Variants in PPFIA4 observed in about 807,000 individuals in gnomAD.
PPFIA4 encodes PPFI scaffold protein A4, also known as liprin-alpha-4.
In PPFIA4, 98 loss-of-function variants were observed where a neutral mutation model predicts 145.7. The ratio of observed to expected loss-of-function variants is 0.67; its 90% CI spans 0.57 to 0.80. The LOEUF is 0.80. PPFIA4 is among the 30% of genes least tolerant of loss of function. The pLI is 0.00. For synonymous variants in PPFIA4, 628 were observed against 649.6 expected, an observed-to-expected ratio of 0.97 and a Z score of 0.51; for missense variants, 1,457 against 1,632.7, an observed-to-expected ratio of 0.89 and a Z score of 1.85.
rs1661319355 is a variant in PPFIA4 at position 203,061,003 on chromosome 1, A to G, written c.2818A>G (p.Met940Val). The change falls in exon 23 of 30, where the codon ATG becomes GTG. Residue 940 changes from methionine (M) to valine (V), a missense_variant. Physicochemically the swap from Met to Val is conservative, Grantham distance 21. Transcript: ENST00000295706. ...GAATGTCTGGGTCACCCATGAAGAGATGGAAACTCTGGAAACATCTACTAA... is the reference window on the plus strand; with the variant it reads ...GAATGTCTGGGTCACCCATGAAGAGGTGGAAACTCTGGAAACATCTACTAA... ...SGNVWVTHEE[M>V]ETLETSTKTD... 6.2e-7 allele frequency: 1 copy of G among 1,613,838 alleles called. No individual in the cohort carries two copies. Among genetic ancestry groups the G allele is most frequent in the Non-Finnish European group, 8.5e-7 (1 of 1,179,874 alleles).
rs770185725 is a variant in PPFIA4 at position 203,045,443 on chromosome 1, C to T, written c.742C>T (p.Arg248Ter). ...CTTTGAGTTGAGCCAGGCCCGGGAG[C>T]GACTGGTCACCCTAACAACAACCGT... is the stretch of plus-strand genomic sequence containing the variant. Reference protein sequence around the residue: ...QNFELSQARERLVTLTTTVTE... With the variant: ...QNFELSQARE Residue 248 changes from arginine to a stop codon, truncating the protein, a stop_gained, in exon 7 of 30, where the codon CGA (arginine) becomes TGA (stop). Transcript: ENST00000295706. LOFTEE classifies it high-confidence loss of function. 1.4e-5 allele frequency: 23 copies of T among 1,609,536 alleles called. No individual in the cohort carries two copies. Among genetic ancestry groups the T allele is most frequent in the Non-Finnish European group, 1.7e-5 (20 of 1,178,616 alleles).
intron 12 of PPFIA4, 48 bp downstream of exon 12, chr1:203,049,028 A>C: frequency 6.5e-7 from 1 of 1,531,382 alleles, no homozygotes; most frequent in South Asian, 1.2e-5. Flanking sequence ...GCCGGGTTGC[A>C]GGGAGGAAAG....
At chr1:203,059,066 A>G (rs752664673) in intron 19 of PPFIA4, 112 bp from the exon 20 acceptor site, 19 of 790,286 alleles carry the variant, frequency 2.4e-5, no homozygotes, top group Non-Finnish European at 3.2e-5. Context: ...CCGTCAGGCC[A>G]TGGGTTGTCC....
intron 19 of PPFIA4, among the ~76,000 whole-genome samples, 190 bp from the exon 20 acceptor site, chr1:203,058,988 G>A (rs773299554): frequency 3.3e-5 from 5 of 152,160 alleles, no homozygotes; most frequent in African/African-American, 9.7e-5. Flanking sequence ...GGGATGACCC[G>A]CTTGATGCCA....
At chr1:203,027,195 G>T (rs540208988) in intron 1 of PPFIA4, among the ~76,000 whole-genome samples, 12 of 152,102 alleles carry the variant, frequency 7.9e-5, no homozygotes, top group African/African-American at 9.6e-5. Context: ...TGGAAGGAGC[G>T]GCCAACCCGA....
At position 203,048,810 on chromosome 1, in the gene PPFIA4, G is replaced by C. The variant is rs1248058461; in HGVS notation, c.1356+96G>C. The C allele has an allele frequency of 1.2e-5, 18 of 1,534,208 alleles. No individual in the cohort carries two copies. Among genetic ancestry groups the C allele is most frequent in the Non-Finnish European group, 1.4e-5 (16 of 1,137,228 alleles). On this transcript the variant is annotated intron_variant, in intron 11 of 29. Transcript: ENST00000295706. This position sits in a 1 kb window ranked among gnomAD's most constrained non-coding sequence, Gnocchi z 5.8. ...GATGGGCGCAGGCGGGGTCTCAATG[G>C]GGTGGGTGGCCAGCCTGGAGAGGTG...
At position 203,060,871 on chromosome 1, in the gene PPFIA4, T is replaced by A; in HGVS notation, c.2785-99T>A. The A allele has an allele frequency of 9.4e-7, 1 of 1,067,682 alleles. No homozygotes were observed. Among genetic ancestry groups the A allele is most frequent in the South Asian group, 1.3e-5 (1 of 76,304 alleles). The allele number at this position is 1,067,682 out of a possible 1,614,324, so 66.1% of individuals were successfully genotyped here. A position where few individuals can be genotyped will look rare whatever the true frequency, so the allele number is the denominator to read the frequency against. On this transcript the variant is annotated intron_variant, in intron 22 of 29. Transcript: ENST00000295706. This position sits in a 1 kb window ranked among gnomAD's most constrained non-coding sequence, Gnocchi z 4.8. ...GAGACCAGCCCCCATTTCAGAGGAC[T>A]CAGGGAGGGAGCTTTGTCCTTGTCC...
rs1432669455 is a variant in PPFIA4 at position 203,051,827 on chromosome 1, C to T, written c.1570C>T (p.Pro524Ser). ...CTCCCTGGGCACAACCACACACGCACCCCCAGGCGTGCATCGCCGCTACTC... is the reference window on the plus strand; with the variant it reads ...CTCCCTGGGCACAACCACACACGCATCCCCAGGCGTGCATCGCCGCTACTC... ...RFSLGTTTHA[P>S]PGVHRRYSAL... The change falls in exon 14 of 30, where the codon CCC (proline) becomes TCC (serine). Residue 524 changes from proline (P) to serine (S), a missense_variant. Physicochemically the swap from Pro to Ser is moderately conservative, Grantham distance 74 (BLOSUM62 -1). Around this residue, in one of 3 missense-constraint regions of PPFIA4, gnomAD observed 848 missense variants for 1,046.7 expected, o/e 0.81. Transcript: ENST00000295706. 6.8e-6 allele frequency: 11 copies of T among 1,613,858 alleles called. No homozygotes were observed. Among genetic ancestry groups the T allele is most frequent in the African/African-American group, 1.3e-5 (1 of 75,074 alleles).
Position 203,043,259 on chromosome 1 carries a change from G to A in PPFIA4, c.235-138G>A, listed in dbSNP as rs1558071179. ...CTAGCTACAGGTTTACTGACCTGCA[G>A]TGTGGATGGATTGGGATTTTGTGGG... is the stretch of plus-strand genomic sequence containing the variant. On this transcript the variant is annotated intron_variant, in intron 2 of 29. Coordinates refer to ENST00000295706, the MANE Select transcript of PPFIA4 (RefSeq NM_001304331.2). The surrounding 1 kb of genome is among the most constrained non-coding windows in gnomAD (Gnocchi z 4.4). 1 of 717,474 alleles carries A rather than the reference G, an allele frequency of 1.4e-6. No homozygotes were observed. The highest frequency in any genetic ancestry group is 2.4e-6 in the Non-Finnish European group (1 of 411,002). 44.4% of individuals were successfully genotyped at this position (717,474 alleles called of 1,614,324 possible).
chr1:203,046,137 A>G (rs944027945), intron 8 of PPFIA4, 111 bp from the exon 9 acceptor site: 3 of 1,472,188 alleles, frequency 2.0e-6, no homozygotes, highest in Non-Finnish European at 2.7e-6. Flanking sequence ...CCAACAACCA[A>G]GATTGTCCCT....
At chr1:203,031,852 T>C (rs1475871053) in intron 1 of PPFIA4, among the ~76,000 whole-genome samples, 1 of 152,268 alleles carries the variant, frequency 6.6e-6, no homozygotes, top group African/African-American at 2.4e-5. Flanking sequence ...TCTCTGGGAA[T>C]GTACTTAATG....
rs145811305 is a variant in PPFIA4, at chr1:203,035,230, C to T, written c.-399-3380C>T. The T allele has an allele frequency of 6.6e-5, 30 of 453,562 alleles. No individual in the cohort carries two copies. The East Asian group carries it at 1.3e-3, about 20-fold the overall frequency. 28.1% of individuals were successfully genotyped at this position (453,562 alleles called of 1,614,324 possible). On this transcript the variant is annotated intron_variant, in intron 1 of 29. Coordinates refer to ENST00000295706, the MANE Select transcript of PPFIA4 (RefSeq NM_001304331.2). ...TTGCCCAGCTGAATAGCCCCTCAGACGCTCCTAGCGGCCCTGCCCCGGGCT... is the reference window on the plus strand; with the variant it reads ...TTGCCCAGCTGAATAGCCCCTCAGATGCTCCTAGCGGCCCTGCCCCGGGCT...
Position 203,055,751 on chromosome 1 carries a change from G to A in PPFIA4, c.2070+79G>A, listed in dbSNP as rs533746256. The stretch of plus-strand genomic sequence containing the variant: ...GGTTTTAAGGGATGGTAGGACTCAC[G>A]TGCTCTCAGCTGGGCCTGCCATCTT... On this transcript the variant is annotated intron_variant, in intron 16 of 29. Transcript: ENST00000295706. This position sits in a 1 kb window ranked among gnomAD's most constrained non-coding sequence, Gnocchi z 4.8. 1.3e-5 allele frequency: 21 copies of A among 1,583,064 alleles called. No homozygotes were observed. The East Asian group carries it at 1.3e-4, about 10-fold the overall frequency.
intron 13 of PPFIA4, among the ~76,000 whole-genome samples, 170 bp downstream of exon 13, chr1:203,049,937 A>C (rs1660379916): frequency 6.6e-6 from 1 of 152,194 alleles, no homozygotes; most frequent in Non-Finnish European, 1.5e-5. Flanking sequence ...TTACTTGGGC[A>C]GTTTGGGAGG....
In PPFIA4 at chr1:203,051,685, C is replaced by T. The variant is rs146899755; in HGVS notation, c.1512-84C>T. 14,582 of 1,526,356 alleles carry T rather than the reference C, an allele frequency of 9.6e-3. 89 individuals are homozygous for T. Among genetic ancestry groups the T allele is most frequent in the Non-Finnish European group, 0.012 (13,211 of 1,132,736 alleles). 94.6% of individuals were successfully genotyped at this position (1,526,356 alleles called of 1,614,324 possible). ...ATGTCTCTTCTCTGAGCTGAAGATC[C>T]CTTGACTCTTTGGGCCCACTGGGTG... On this transcript the variant is annotated intron_variant, in intron 13 of 29. Coordinates refer to ENST00000295706, the MANE Select transcript of PPFIA4 (RefSeq NM_001304331.2).
rs548892226 is a variant in PPFIA4 at position 203,055,269 on chromosome 1, T to C, written c.1830-163T>C. Among the ~76,000 whole-genome samples the C allele has an allele frequency of 4.5e-4, 68 of 152,334 alleles. No homozygotes were observed. The highest frequency in any genetic ancestry group is 1.6e-3 in the African/African-American group (68 of 41,576). Reference sequence around the variant, plus strand: ...TGTTAAACGGAGGGAGTAGGCAAGCTAACAAGAAAGAGATGTGTTTCTAAG... The same window carrying C: ...TGTTAAACGGAGGGAGTAGGCAAGCCAACAAGAAAGAGATGTGTTTCTAAG... On this transcript the variant is annotated intron_variant, in intron 15 of 29. Coordinates refer to ENST00000295706, the MANE Select transcript of PPFIA4 (RefSeq NM_001304331.2). The surrounding 1 kb of genome is among the most constrained non-coding windows in gnomAD (Gnocchi z 4.8).
chr1:203,076,482 C>T lies in PPFIA4; in HGVS notation c.*92C>T. 2 of 1,289,814 alleles carry T rather than the reference C, an allele frequency of 1.6e-6. No individual in the cohort carries two copies. Among genetic ancestry groups the T allele is most frequent in the Non-Finnish European group, 1.1e-6 (1 of 900,928 alleles). 79.9% of individuals were successfully genotyped at this position (1,289,814 alleles called of 1,614,324 possible). On this transcript the variant is annotated 3_prime_UTR_variant, in exon 30 of 30. Transcript: ENST00000295706. Reference sequence around the variant, plus strand: ...GCTCGTTCCCCTTCCTTCCGCAGCTCCTAGTCTCGTCCGTGACTTTCCGGT... The same window carrying T: ...GCTCGTTCCCCTTCCTTCCGCAGCTTCTAGTCTCGTCCGTGACTTTCCGGT...
At chr1:203,054,039 G>A (rs997176960) in intron 15 of PPFIA4, 78 bp downstream of exon 15, 1 of 1,471,852 alleles carries the variant, frequency 6.8e-7, no homozygotes, top group South Asian at 1.2e-5. Flanking sequence ...CCCTATATGG[G>A]TTTGCCCAAC....
Position 203,056,934 on chromosome 1 carries a change from T to C in PPFIA4, c.2391T>C (p.Asp797=). 1 of 1,614,068 alleles carries C rather than the reference T, an allele frequency of 6.2e-7. No individual in the cohort carries two copies. The highest frequency in any genetic ancestry group is 8.5e-7 in the Non-Finnish European group (1 of 1,179,904). ...EKGRLIQLSR[D]GATGHVLLTD... ...GCAGGCTGATCCAGCTGAGTCGGGA[T>C]GGAGCCACAGGCCATGGTCTCTGTC... The change falls in exon 19 of 30, where the codon GAT becomes GAC. Residue 797 remains aspartate, a synonymous_variant. Transcript: ENST00000295706.
Sources: gnomAD v4.1 joint callset for allele counts (sites outside exome capture counted in the v4.1 genomes callset) on GRCh38, gnomAD v4.1.1 for gene constraint, gnomAD v4.1.1 regional missense constraint, Gnocchi (gnomAD v3.1) non-coding constraint, MANE v1.5 for transcripts, NCBI Gene and HGNC (gene_info 2026-07-23, HGNC 2026-07-21) for gene names.